The following TENM3 variants were observed in gnomAD, a reference collection of about 807,000 sequenced individuals.
The protein encoded by TENM3 is teneurin-3.
In TENM3, 63 loss-of-function variants were observed where a neutral mutation model predicts 255.1. That is an observed-to-expected ratio of 0.25 (90% CI 0.20 to 0.30). The LOEUF is 0.30. Ranked by LOEUF, TENM3 falls within the 10% of genes least tolerant of loss-of-function variation. TENM3 has a pLI of 1.00. For synonymous variants in TENM3, 1,306 were observed against 1,322.3 expected (o/e 0.99, Z 0.27); for missense variants, 2,929 against 3,461.1 (o/e 0.85, Z 3.86).
the TENM3 span, among the ~76,000 whole-genome samples, chr4:181,922,172 C>A: frequency 6.6e-6 from 1 of 152,176 alleles, no homozygotes; most frequent in African/African-American, 2.4e-5. Flanking sequence ...CAATGTTCAT[C>A]AAATATATTG....
the TENM3 span, among the ~76,000 whole-genome samples, chr4:182,100,393 G>C: frequency 6.8e-6 from 1 of 147,376 alleles, no homozygotes; most frequent in African/African-American, 2.5e-5. Context: ...CTTCAGGCCA[G>C]GAGTTAACGA....
chr4:181,841,308 A>G, the TENM3 span, among the ~76,000 whole-genome samples: 219 of 152,236 alleles, frequency 1.4e-3, no homozygotes, highest in Middle Eastern at 3.4e-3. Flanking sequence ...GGCTCTATAA[A>G]TATTCACATG....
At position 182,346,840 on chromosome 4, in the gene TENM3, C is replaced by G; in HGVS notation, c.422C>G (p.Ser141Ter). The G allele has an allele frequency of 6.2e-7, 1 of 1,613,182 alleles. No individual in the cohort carries two copies. The change falls in exon 3 of 28, where the codon TCA becomes TGA. Residue 141 changes from serine (S) to a stop codon, truncating the protein, a stop_gained. Coordinates refer to ENST00000511685, the MANE Select transcript of TENM3 (RefSeq NM_001080477.4). LOFTEE classifies it high-confidence loss of function. ...AMRLWGRGVK[S>*]GRSSCLSSRS... Reference sequence around the variant, plus strand: ...AGACTTTGGGGCAGGGGGGTCAAATCAGGCCGCAGCTCCTGCCTGTCAAGT... The same window carrying G: ...AGACTTTGGGGCAGGGGGGTCAAATGAGGCCGCAGCTCCTGCCTGTCAAGT...
chr4:181,688,653 C>A, the TENM3 span, among the ~76,000 whole-genome samples: 1 of 152,118 alleles, frequency 6.6e-6, no homozygotes, highest in African/African-American at 2.4e-5. Context: ...TTCAACATTT[C>A]CTGTGGTAAA....
intron 4 of TENM3, among the ~76,000 whole-genome samples, chr4:182,623,459 C>T (rs1486465907): frequency 6.8e-6 from 1 of 147,764 alleles, no homozygotes; most frequent in East Asian, 1.9e-4. Context: ...CCCGCCATCA[C>T]ATCTGGCTAA....
chr4:181,627,261 T>A, the TENM3 span, among the ~76,000 whole-genome samples: 5 of 152,170 alleles, frequency 3.3e-5, no homozygotes, highest in African/African-American at 1.2e-4. Context: ...GAAAACAAGC[T>A]CTTTTAATGT....
the TENM3 span, among the ~76,000 whole-genome samples, chr4:181,686,684 G>A: frequency 6.6e-6 from 1 of 152,098 alleles, no homozygotes; most frequent in Non-Finnish European, 1.5e-5. Flanking sequence ...AATTAATGCA[G>A]CTGCATTTTT....
At chr4:181,707,205 C>A in the TENM3 span, among the ~76,000 whole-genome samples, 2 of 152,178 alleles carry the variant, frequency 1.3e-5, no homozygotes, top group Admixed American at 6.5e-5. Context: ...AAAGTAGCAA[C>A]AGGGCGCGAA....
At chr4:182,546,307 C>T (rs1174974364) in intron 3 of TENM3, among the ~76,000 whole-genome samples, 1 of 152,128 alleles carries the variant, frequency 6.6e-6, no homozygotes, top group East Asian at 1.9e-4. Context: ...TTTAATTTTT[C>T]TTTCTAGAAA....
intron 4 of TENM3, among the ~76,000 whole-genome samples, chr4:182,614,111 A>C (rs898559028): frequency 6.6e-6 from 1 of 152,232 alleles, no homozygotes; most frequent in African/African-American, 2.4e-5. Context: ...ATCAAAGTAC[A>C]TAGTTTACAT....
chr4:181,845,380 T>G, the TENM3 span, among the ~76,000 whole-genome samples: 1 of 152,236 alleles, frequency 6.6e-6, no homozygotes, highest in African/African-American at 2.4e-5. Flanking sequence ...AGACTTAATT[T>G]TTCACATTTA....
chr4:182,659,493 G>T (rs1253447190), intron 6 of TENM3, among the ~76,000 whole-genome samples: 1 of 152,146 alleles, frequency 6.6e-6, no homozygotes, highest in African/African-American at 2.4e-5. Flanking sequence ...GGCATCCACT[G>T]GGGATCTTGG....
intron 3 of TENM3, among the ~76,000 whole-genome samples, chr4:182,386,651 C>T (rs987344802): frequency 6.6e-6 from 1 of 152,196 alleles, no homozygotes; most frequent in Non-Finnish European, 1.5e-5. Flanking sequence ...GCCCCGCACT[C>T]GGAGCTGCCG....
the TENM3 span, among the ~76,000 whole-genome samples, chr4:182,014,542 A>G: frequency 6.6e-6 from 1 of 152,202 alleles, no homozygotes; most frequent in African/African-American, 2.4e-5. Flanking sequence ...AGAAGATCCT[A>G]GGAGAAAAAC....
chr4:182,069,427 G>T, the TENM3 span, among the ~76,000 whole-genome samples: 4 of 152,072 alleles, frequency 2.6e-5, no homozygotes, highest in African/African-American at 9.7e-5. Context: ...GAGCAGGAAG[G>T]ACTTGATCAG....
the TENM3 span, among the ~76,000 whole-genome samples, chr4:181,810,098 G>GA: frequency 6.4e-4 from 96 of 150,716 alleles, no homozygotes; most frequent in African/African-American, 9.5e-4. Flanking sequence ...TTCTCTCAGG[G>GA]AAAAAAAAAG....
chr4:181,607,908 G>A, the TENM3 span, among the ~76,000 whole-genome samples: 24 of 152,240 alleles, frequency 1.6e-4, no homozygotes, highest in South Asian at 1.2e-3. Context: ...AATTTTCAAA[G>A]CCTTAAAGGA....
At chr4:182,590,556 A>AG (rs1178167091) in intron 3 of TENM3, among the ~76,000 whole-genome samples, 2 of 150,340 alleles carry the variant, frequency 1.3e-5, no homozygotes, top group African/African-American at 4.9e-5. Context: ...AAAAAAAAAA[A>AG]AAAAAGAAAA....
At chr4:181,506,300 A>G in the TENM3 span, among the ~76,000 whole-genome samples, 1 of 152,018 alleles carries the variant, frequency 6.6e-6, no homozygotes, top group African/African-American at 2.4e-5. Context: ...TATTTCTTAG[A>G]AAAGAAAAAT....
Sources: allele counts gnomAD v4.1 joint callset (sites outside exome capture counted in the v4.1 genomes callset), GRCh38; gene constraint gnomAD v4.1.1; transcripts MANE v1.5; gene names NCBI Gene and HGNC (gene_info 2026-07-23, HGNC 2026-07-21).